GSPT1: variants seen among roughly 807,000 people sequenced by gnomAD.
The protein encoded by GSPT1 is eukaryotic peptide chain release factor GTP-binding subunit ERF3A.
Under a neutral mutation model 72.5 loss-of-function variants are expected in GSPT1, and 20 were observed. The observed-to-expected ratio is 0.28, with a 90% CI of 0.19 to 0.40. GSPT1 has a LOEUF of 0.40. Among genes scored for constraint, GSPT1 ranks in the 10% least tolerant of loss-of-function variants. GSPT1 has a pLI of 1.00. For synonymous variants in GSPT1, 334 were observed against 293.5 expected, an observed-to-expected ratio of 1.14 and a Z score of -1.41; for missense variants, 580 against 811.9, an observed-to-expected ratio of 0.71 and a Z score of 3.47.
intron 1 of GSPT1, among the ~76,000 whole-genome samples, chr16:11,901,011 AC>A (rs2054399235): frequency 1.3e-5 from 2 of 151,992 alleles, no homozygotes; most frequent in African/African-American, 4.8e-5. Flanking sequence ...AAAACAAAAA[AC>A]AAAAAACAAA....
chr16:11,875,749 A>G lies in GSPT1; in HGVS notation c.1861+12T>C, dbSNP rs771846442. On this transcript the variant is annotated intron_variant, in intron 14 of 14. Transcript: ENST00000434724. The stretch of plus-strand genomic sequence containing the variant: ...TGGATATACTACTAGACGTCAGTTT[A>G]AAAGCTCTTACCCTCATCTCTTAAG... 6 of 1,589,286 alleles carry G rather than the reference A, an allele frequency of 3.8e-6. No homozygotes were observed. The highest frequency in any genetic ancestry group is 4.5e-5 in the East Asian group (2 of 44,814).
intron 4 of GSPT1, chr16:11,895,231 G>C (rs2054319307): frequency 3.2e-6 from 1 of 311,816 alleles, no homozygotes; most frequent in South Asian, 4.3e-5. Flanking sequence ...AGGAGTTCGA[G>C]ACCAGCCTGG....
chr16:11,871,927 GA>G lies in GSPT1; in HGVS notation c.*1191del, dbSNP rs1345485592. On this transcript the variant is annotated 3_prime_UTR_variant, in exon 15 of 15. Transcript: ENST00000434724. The stretch of plus-strand genomic sequence containing the variant: ...TAGCAAATTTCAGCTTTACACTTAA[GA>G]AAACTCAGTCAATTTCAAATAATTG... 1 of 152,036 alleles carries G rather than the reference GA, an allele frequency of 6.6e-6. No homozygotes were observed. Among genetic ancestry groups the G allele is most frequent in the Admixed American group, 6.6e-5 (1 of 15,262 alleles). The allele number at this position is 152,036 out of a possible 1,614,324, so 9.4% of individuals were successfully genotyped here.
chr16:11,878,145 T>G (rs1489702381), intron 11 of GSPT1, among the ~76,000 whole-genome samples: 1 of 152,206 alleles, frequency 6.6e-6, no homozygotes, highest in Non-Finnish European at 1.5e-5. Context: ...GACAGAGTTT[T>G]GCTCTTGTTG....
intron 1 of GSPT1, chr16:11,904,086 G>A (rs1193711503): frequency 1.3e-5 from 3 of 230,968 alleles, no homozygotes; most frequent in African/African-American, 4.6e-5. Flanking sequence ...AATCGCAGAC[G>A]CTTGGCCAGA....
chr16:11,914,876 T>C (rs1379157187), intron 1 of GSPT1: 1 of 571,822 alleles, frequency 1.7e-6, no homozygotes, highest in African/African-American at 1.9e-5. Flanking sequence ...AAACCGTAAT[T>C]ACAGTTTCAA....
intron 9 of GSPT1, 24 bp downstream of exon 9, chr16:11,886,447 A>G (rs1375624807): frequency 6.4e-7 from 1 of 1,565,094 alleles, no homozygotes; most frequent in African/African-American, 1.4e-5. Context: ...TCCTTTTTAA[A>G]AAAAGGAAAA....
chr16:11,884,847 T>C (rs190762087), intron 10 of GSPT1, among the ~76,000 whole-genome samples: 1 of 149,896 alleles, frequency 6.7e-6, no homozygotes, highest in East Asian at 2.0e-4. Context: ...GGCAGGTGGA[T>C]CACAAGGTCA....
At position 11,877,797 on chromosome 16, in the gene GSPT1, A is replaced by G. The variant is rs987263185; in HGVS notation, c.1429-217T>C. 6.6e-6 allele frequency among the ~76,000 whole-genome samples: 1 copy of G among 152,242 alleles called. No homozygotes were observed. Among genetic ancestry groups the G allele is most frequent in the Non-Finnish European group, 1.5e-5 (1 of 68,046 alleles). On this transcript the variant is annotated intron_variant, in intron 11 of 14. Coordinates refer to ENST00000434724, the MANE Select transcript of GSPT1 (RefSeq NM_002094.4). The surrounding 1 kb of genome is among the most constrained non-coding windows in gnomAD (Gnocchi z 4.0). ...AAAGTATTAACGTGTCACCTTTTAA[A>G]TATCACATTCTAATCATTTCCAACT...
chr16:11,898,461 T>G (rs1355668577), intron 1 of GSPT1, among the ~76,000 whole-genome samples: 1 of 146,674 alleles, frequency 6.8e-6, no homozygotes, highest in Non-Finnish European at 1.5e-5. Context: ...TTTTTTTTTT[T>G]TGAGACTGAG....
Position 11,873,049 on chromosome 16 carries a change from A to G in GSPT1, c.*70T>C. ...TTTATCAATGGGCAGAAAATAAGAG[A>G]AGGCGGTGTGAAGTAGGCTTCTGCA... On this transcript the variant is annotated 3_prime_UTR_variant, in exon 15 of 15. Transcript: ENST00000434724. 1.2e-6 allele frequency: 1 copy of G among 814,490 alleles called. No individual in the cohort carries two copies. Among genetic ancestry groups the G allele is most frequent in the Non-Finnish European group, 2.1e-6 (1 of 485,770 alleles). 50.5% of individuals were successfully genotyped at this position (814,490 alleles called of 1,614,324 possible).
intron 6 of GSPT1, among the ~76,000 whole-genome samples, chr16:11,888,115 A>T (rs913152927): frequency 2.0e-5 from 3 of 152,132 alleles, no homozygotes; most frequent in Non-Finnish European, 4.4e-5. Flanking sequence ...AGACCGTGCC[A>T]TTGCACTCCA....
At chr16:11,893,085 T>C (rs999844699) in intron 5 of GSPT1, among the ~76,000 whole-genome samples, 9 of 151,654 alleles carry the variant, frequency 5.9e-5, no homozygotes, top group Admixed American at 6.6e-5. Flanking sequence ...TGTTTTTTGT[T>C]TTTGTTTGTT....
chr16:11,875,001 C>T (rs531364132), intron 14 of GSPT1, among the ~76,000 whole-genome samples: 2 of 152,292 alleles, frequency 1.3e-5, no homozygotes, highest in Admixed American at 6.5e-5. Context: ...ACCATCCTGG[C>T]TAACGTGGTG....
In GSPT1 at chr16:11,869,144, G is replaced by A. The variant is rs2053950972; in HGVS notation, c.*3975C>T. The A allele has an allele frequency of 6.6e-6, 1 of 152,102 alleles. No homozygotes were observed. The highest frequency in any genetic ancestry group is 2.4e-5 in the African/African-American group (1 of 41,418). The allele number at this position is 152,102 out of a possible 1,614,324, so 9.4% of individuals were successfully genotyped here. A position where few individuals can be genotyped will look rare whatever the true frequency, so the allele number is the denominator to read the frequency against. ...ACCTGAACTGAACTGATAGTAAACT[G>A]GGTCAAATGGAATCCACGGAATTAC... On this transcript the variant is annotated 3_prime_UTR_variant, in exon 15 of 15. Transcript: ENST00000434724.
At chr16:11,892,204 G>A (rs1417052633) in intron 5 of GSPT1, among the ~76,000 whole-genome samples, 2 of 151,738 alleles carry the variant, frequency 1.3e-5, no homozygotes, top group Admixed American at 6.6e-5. Context: ...TTGGCCTGGT[G>A]TGGTGATGCA....
chr16:11,914,856 C>A, intron 1 of GSPT1: 1 of 462,152 alleles, frequency 2.2e-6, no homozygotes, highest in South Asian at 1.8e-5. Context: ...TTGGGGGCCA[C>A]GGACAGTTTA....
At chr16:11,880,608 A>G (rs953649315) in intron 11 of GSPT1, among the ~76,000 whole-genome samples, 1 of 152,194 alleles carries the variant, frequency 6.6e-6, no homozygotes, top group African/African-American at 2.4e-5. Flanking sequence ...GATTATAGGC[A>G]TAAGCCACCA....
At chr16:11,881,518 G>C (rs1446736986) in intron 11 of GSPT1, 1 of 151,974 alleles carries the variant, frequency 6.6e-6, no homozygotes, top group African/African-American at 2.4e-5. Context: ...TATTCACCAT[G>C]TTGTACAATC....
Sources: allele counts gnomAD v4.1 joint callset (sites outside exome capture counted in the v4.1 genomes callset), GRCh38; gene constraint gnomAD v4.1.1; non-coding constraint Gnocchi (gnomAD v3.1); transcripts MANE v1.5; gene names NCBI Gene and HGNC (gene_info 2026-07-23, HGNC 2026-07-21).